Variants in ORC5 observed in about 807,000 individuals in gnomAD.
ORC5 encodes the protein protein phosphatase 1, regulatory subunit 117.
Under a neutral mutation model 58.8 loss-of-function variants are expected in ORC5, and 39 were observed. The observed-to-expected ratio is 0.66, with a 90% CI of 0.51 to 0.87. The LOEUF is 0.87. ORC5 is among the 40% of genes least tolerant of loss of function. The pLI is 0.00. For synonymous variants in ORC5, 218 were observed against 177.6 expected (o/e 1.23, Z -1.81); for missense variants, 493 against 506.3 (o/e 0.97, Z 0.25).
intron 8 of ORC5, among the ~76,000 whole-genome samples, chr7:104,175,119 C>G (rs1203066862): frequency 6.6e-6 from 1 of 152,188 alleles, no homozygotes; most frequent in African/African-American, 2.4e-5. Flanking sequence ...GCCTGTCTCT[C>G]CTTCTGCCTT....
intron 12 of ORC5, among the ~76,000 whole-genome samples, chr7:104,146,544 AG>A (rs1174444931): frequency 2.0e-5 from 3 of 152,204 alleles, no homozygotes; most frequent in Admixed American, 6.5e-5. Context: ...CCTGACTCAA[AG>A]AAGTTAATTC....
chr7:104,139,126 A>G (rs1357519418), intron 12 of ORC5, among the ~76,000 whole-genome samples: 3 of 152,224 alleles, frequency 2.0e-5, no homozygotes, highest in African/African-American at 4.8e-5. Context: ...GGCAATATGA[A>G]TAAGAGTTTT....
At chr7:104,147,939 A>G (rs141054069) in intron 12 of ORC5, among the ~76,000 whole-genome samples, 18 of 152,270 alleles carry the variant, frequency 1.2e-4, no homozygotes, top group African/African-American at 4.3e-4. Flanking sequence ...AGAATGACAC[A>G]TATGTGTTTT....
chr7:104,159,799 G>C (rs375399106), intron 12 of ORC5, among the ~76,000 whole-genome samples: 1 of 152,130 alleles, frequency 6.6e-6, no homozygotes, highest in South Asian at 2.1e-4. Flanking sequence ...AGGCTCCATT[G>C]CTTATAATAA....
Position 104,207,962 on chromosome 7 carries a change from A to G in ORC5, c.-58T>C. The G allele has an allele frequency of 6.6e-7, 1 of 1,524,120 alleles. No homozygotes were observed. The highest frequency in any genetic ancestry group is 9.1e-7 in the Non-Finnish European group (1 of 1,100,526). 94.4% of individuals were successfully genotyped at this position (1,524,120 alleles called of 1,614,324 possible). On this transcript the variant is annotated 5_prime_UTR_variant, in exon 1 of 14. Transcript: ENST00000297431. ...CCAGCCCACAGGACCCTTGCACAAGACGGAGCCTCTCCCGAGTCTGGCGGC... is the reference window on the plus strand; with the variant it reads ...CCAGCCCACAGGACCCTTGCACAAGGCGGAGCCTCTCCCGAGTCTGGCGGC...
chr7:104,181,449 C>T (rs1183407276), intron 8 of ORC5, among the ~76,000 whole-genome samples: 1 of 152,018 alleles, frequency 6.6e-6, no homozygotes, highest in Non-Finnish European at 1.5e-5. Context: ...ATTGGAAACA[C>T]TGGTTATATT....
intron 11 of ORC5, among the ~76,000 whole-genome samples, 183 bp downstream of exon 11, chr7:104,165,052 C>G (rs150888100): frequency 2.0e-4 from 30 of 152,296 alleles, no homozygotes; most frequent in Admixed American, 2.0e-3. Flanking sequence ...CCAGCAGCAG[C>G]TCACCTAAAT....
chr7:104,145,578 G>T (rs182580938), intron 12 of ORC5, among the ~76,000 whole-genome samples: 209 of 151,850 alleles, frequency 1.4e-3, no homozygotes, highest in African/African-American at 4.8e-3. Flanking sequence ...CTAGACAGAG[G>T]GTTAGAAAAA....
At chr7:104,206,816 C>T (rs1800098303) in intron 1 of ORC5, among the ~76,000 whole-genome samples, 1 of 152,146 alleles carries the variant, frequency 6.6e-6, no homozygotes, top group African/African-American at 2.4e-5. Flanking sequence ...TAGATGCAGA[C>T]TTATCACTGT....
intron 3 of ORC5, among the ~76,000 whole-genome samples, chr7:104,198,179 G>A (rs1164154395): frequency 6.6e-6 from 1 of 152,174 alleles, no homozygotes; most frequent in Non-Finnish European, 1.5e-5. Context: ...AGAAATAAAT[G>A]TCTTTTCTTT....
chr7:104,206,370 AT>A (rs1239360718), intron 1 of ORC5, among the ~76,000 whole-genome samples: 47 of 152,188 alleles, frequency 3.1e-4, no homozygotes, highest in Admixed American at 3.1e-3. Context: ...GTTAAACATA[AT>A]TTTCATTAAA....
intron 2 of ORC5, among the ~76,000 whole-genome samples, chr7:104,201,536 G>A (rs529331652): frequency 6.6e-6 from 1 of 151,514 alleles, no homozygotes; most frequent in South Asian, 2.1e-4. Flanking sequence ...AAAGAAATCA[G>A]CCAGGCATGG....
At chr7:104,145,595 A>G (rs1049592630) in intron 12 of ORC5, among the ~76,000 whole-genome samples, 1 of 152,148 alleles carries the variant, frequency 6.6e-6, no homozygotes, top group Non-Finnish European at 1.5e-5. Flanking sequence ...AAAAAAAGAT[A>G]AATACAGAAG....
chr7:104,131,871 G>A (rs1439439819), intron 13 of ORC5, among the ~76,000 whole-genome samples: 5 of 147,606 alleles, frequency 3.4e-5, no homozygotes, highest in Non-Finnish European at 6.0e-5. Context: ...AAAAGAAAAA[G>A]AAAAAAGAAA....
At chr7:104,169,226 G>C (rs1799165090) in intron 8 of ORC5, among the ~76,000 whole-genome samples, 1 of 152,116 alleles carries the variant, frequency 6.6e-6, no homozygotes, top group African/African-American at 2.4e-5. Context: ...TATCACACCA[G>C]AAAACTGAGG....
At chr7:104,168,664 A>ATTTTTTTTTTTTTTTTTTTTTTTT in intron 8 of ORC5, 139 bp from the exon 9 acceptor site, 5 of 488,738 alleles carry the variant, frequency 1.0e-5, no homozygotes, top group Non-Finnish European at 1.8e-5. Flanking sequence ...TGCAATAAAC[A>ATTTTTTTTTTTTTTTTTTTTTTTT]TGTTTGTACC....
At chr7:104,187,132 T>C (rs1265020343) in intron 6 of ORC5, among the ~76,000 whole-genome samples, 1 of 152,338 alleles carries the variant, frequency 6.6e-6, no homozygotes, top group Non-Finnish European at 1.5e-5. Context: ...GAGGATTATC[T>C]GCTCCTAAGT....
intron 4 of ORC5, among the ~76,000 whole-genome samples, chr7:104,196,415 A>T (rs889566682): frequency 6.6e-6 from 1 of 152,222 alleles, no homozygotes; most frequent in Non-Finnish European, 1.5e-5. Context: ...TCTCAGTAAT[A>T]AAATGTCAAG....
intron 12 of ORC5, among the ~76,000 whole-genome samples, chr7:104,160,701 G>T (rs1340515011): frequency 1.3e-5 from 2 of 151,778 alleles, no homozygotes; most frequent in East Asian, 3.9e-4. Flanking sequence ...GAACATTGTA[G>T]ATTACTCTGT....
Sources: allele counts gnomAD v4.1 joint callset (sites outside exome capture counted in the v4.1 genomes callset), GRCh38; gene constraint gnomAD v4.1.1; transcripts MANE v1.5; gene names NCBI Gene and HGNC (gene_info 2026-07-23, HGNC 2026-07-21).